The following SLC66A3 variants were observed in gnomAD, a reference collection of about 807,000 sequenced individuals.
The protein encoded by SLC66A3 is solute carrier family 66 member 3.
In SLC66A3, 23 loss-of-function variants were observed where a neutral mutation model predicts 25.5. The ratio of observed to expected loss-of-function variants is 0.90; its 90% confidence interval spans 0.65 to 1.28. SLC66A3 has a LOEUF of 1.28. SLC66A3 is among the 50% of genes most tolerant of loss of function. The pLI is 0.00. For missense variants in SLC66A3, 246 were observed against 262.1 expected (o/e 0.94, Z 0.42); for synonymous variants, 108 against 112.6 (o/e 0.96, Z 0.26).
At chr2:11,160,832 A>G (rs1453143329) in intron 3 of SLC66A3, 138 bp downstream of exon 3, 6 of 1,358,384 alleles carry the variant, frequency 4.4e-6, no homozygotes, top group Admixed American at 2.4e-5. Context: ...TCCCAAATGC[A>G]AACGTGTCCA....
chr2:11,162,611 T>C (rs1198957551), intron 3 of SLC66A3, among the ~76,000 whole-genome samples: 2 of 152,134 alleles, frequency 1.3e-5, no homozygotes, highest in Non-Finnish European at 2.9e-5. Context: ...TTTATTTTAT[T>C]TTATTTTATT....
intron 4 of SLC66A3, 26 bp from the exon 5 acceptor site, chr2:11,171,899 C>G (rs1055071328): frequency 6.2e-7 from 1 of 1,612,720 alleles, no homozygotes; most frequent in Non-Finnish European, 8.5e-7. Flanking sequence ...CGACTCGTGA[C>G]TTTCTCACAT....
intron 4 of SLC66A3, among the ~76,000 whole-genome samples, chr2:11,170,929 C>T (rs533864823): frequency 9.9e-5 from 15 of 152,040 alleles, no homozygotes; most frequent in African/African-American, 3.6e-4. Context: ...GATAGATGAA[C>T]CTCTGTGGCC....
intron 3 of SLC66A3, among the ~76,000 whole-genome samples, chr2:11,163,202 G>A (rs950004234): frequency 3.3e-5 from 5 of 152,174 alleles, no homozygotes; most frequent in African/African-American, 1.2e-4. Context: ...ACTTTTATTT[G>A]TGAAATCTGG....
intron 4 of SLC66A3, among the ~76,000 whole-genome samples, chr2:11,167,004 C>A (rs1025775161): frequency 2.0e-5 from 3 of 152,228 alleles, no homozygotes; most frequent in Admixed American, 6.5e-5. Flanking sequence ...TGCCAACTCT[C>A]ACAACCCTGT....
intron 3 of SLC66A3, 142 bp from the exon 4 acceptor site, chr2:11,164,062 G>A (rs1047871990): frequency 9.6e-5 from 52 of 543,682 alleles, no homozygotes; most frequent in African/African-American, 7.0e-4. Flanking sequence ...TTCCAAATCC[G>A]GCAGGTTCTG....
At chr2:11,176,257 C>G (rs201662334) in intron 6 of SLC66A3, among the ~76,000 whole-genome samples, 1 of 152,302 alleles carries the variant, frequency 6.6e-6, no homozygotes, top group East Asian at 1.9e-4. Flanking sequence ...ACTCTGTCGC[C>G]CAGGCTGGAG....
Position 11,167,301 on chromosome 2 carries a change from G to T in SLC66A3, c.354+3040G>T, listed in dbSNP as rs193131447. ...CTACTAAAAATACAAAAATTATCTGGGTGTGGTGGCGCATGCCTGTAATCC... is the reference window on the plus strand; with the variant it reads ...CTACTAAAAATACAAAAATTATCTGTGTGTGGTGGCGCATGCCTGTAATCC... On this transcript the variant is annotated intron_variant, in intron 4 of 6. Transcript: ENST00000295083. Among the ~76,000 whole-genome samples, 579 of 152,186 alleles carry T rather than the reference G, an allele frequency of 3.8e-3. 17 individuals are homozygous for T. The highest frequency in any genetic ancestry group is 5.1e-4 in the Non-Finnish European group (35 of 67,996).
intron 1 of SLC66A3, among the ~76,000 whole-genome samples, chr2:11,160,005 TC>T (rs1261813593): frequency 1.3e-5 from 2 of 152,180 alleles, no homozygotes; most frequent in African/African-American, 4.8e-5. Context: ...GACCCCCGCA[TC>T]CAGGGATGGT....
chr2:11,175,119 A>G (rs1662692486), intron 6 of SLC66A3, 110 bp downstream of exon 6: 8 of 748,600 alleles, frequency 1.1e-5, no homozygotes, highest in Admixed American at 2.6e-5. Context: ...GTTGGATTAT[A>G]GATTTAGAAG....
chr2:11,171,996 AG>A lies in SLC66A3; in HGVS notation c.428del (p.Gly143GlufsTer3), dbSNP rs1358786815. Reference sequence around the variant, plus strand: ...AGTGTCTGTGGAAGACGAGAGACTCAGGAACTGTGAGTGCGCTGACTTGGAG... The same window carrying A: ...AGTGTCTGTGGAAGACGAGAGACTCAGAACTGTGAGTGCGCTGACTTGGAG... ...LQCLWKTRDS[G>X]TVSALTWSLS... is the part of the protein sequence containing the mutation. On this transcript the variant is annotated frameshift_variant, in exon 5 of 7. Transcript: ENST00000295083. LOFTEE classifies it high-confidence loss of function. 2 of 1,613,976 alleles carry A rather than the reference AG, an allele frequency of 1.2e-6. No homozygotes were observed. The highest frequency in any genetic ancestry group is 1.7e-6 in the Non-Finnish European group (2 of 1,179,946).
At chr2:11,172,661 C>A in intron 5 of SLC66A3, 1 of 337,942 alleles carries the variant, frequency 3.0e-6, no homozygotes, top group South Asian at 2.3e-5. Flanking sequence ...CTAATGTCTC[C>A]ATCCATGGTT....
At chr2:11,175,569 C>CA (rs1662710501) in intron 6 of SLC66A3, among the ~76,000 whole-genome samples, 2 of 152,320 alleles carry the variant, frequency 1.3e-5, no homozygotes, top group Admixed American at 1.3e-4. Flanking sequence ...GCGAGACTGG[C>CA]AGTGGCCCAA....
chr2:11,176,713 A>T (rs371538690), intron 6 of SLC66A3, among the ~76,000 whole-genome samples: 5 of 147,302 alleles, frequency 3.4e-5, no homozygotes, highest in South Asian at 2.2e-4. Context: ...TATTTTTAGT[A>T]GAGACGGGGT....
chr2:11,157,175 A>G (rs543684031), intron 1 of SLC66A3, among the ~76,000 whole-genome samples: 34 of 152,286 alleles, frequency 2.2e-4, no homozygotes, highest in Non-Finnish European at 3.7e-4. Flanking sequence ...GAGGGCTCCT[A>G]TTAGATCTGC....
intron 1 of SLC66A3, among the ~76,000 whole-genome samples, chr2:11,159,388 C>A (rs1439054613): frequency 6.6e-6 from 1 of 152,166 alleles, no homozygotes; most frequent in Non-Finnish European, 1.5e-5. Flanking sequence ...CTGCACAGCA[C>A]CCGGAGGGCC....
Position 11,155,595 on chromosome 2 carries a change from T to G in SLC66A3, c.49T>G (p.Cys17Gly). The G allele has an allele frequency of 1.3e-6, 2 of 1,517,972 alleles. No individual in the cohort carries two copies. The highest frequency in any genetic ancestry group is 2.4e-5 in the South Asian group (2 of 82,130). 94.0% of individuals were successfully genotyped at this position (1,517,972 alleles called of 1,614,324 possible). A position where few individuals can be genotyped will look rare whatever the true frequency, so the allele number is the denominator to read the frequency against. Reference sequence around the variant, plus strand: ...GTGTAACTGGAGCACGCTGGGCGTGTGCGCCGCGCTGAAGCTGCCGCAGAT... The same window carrying G: ...GTGTAACTGGAGCACGCTGGGCGTGGGCGCCGCGCTGAAGCTGCCGCAGAT... ...GLCNWSTLGV[C>G]AALKLPQISA... Residue 17 changes from cysteine to glycine, a missense_variant, in exon 1 of 7, where the codon TGC (cysteine) becomes GGC (glycine). Coordinates refer to ENST00000295083, the MANE Select transcript of SLC66A3 (RefSeq NM_152391.5).
rs553468503 is a variant in SLC66A3, at chr2:11,155,519, C to G, written c.-28C>G. 1 of 1,478,358 alleles carries G rather than the reference C, an allele frequency of 6.8e-7. No individual in the cohort carries two copies. Among genetic ancestry groups the G allele is most frequent in the South Asian group, 1.3e-5 (1 of 78,288 alleles). 91.6% of individuals were successfully genotyped at this position (1,478,358 alleles called of 1,614,324 possible). A position where few individuals can be genotyped will look rare whatever the true frequency, so the allele number is the denominator to read the frequency against. On this transcript the variant is annotated 5_prime_UTR_variant, in exon 1 of 7. Coordinates refer to ENST00000295083, the MANE Select transcript of SLC66A3 (RefSeq NM_152391.5). ...GCTGAGCGGTCCCTTCTCGCTGCGG[C>G]CGCCCAGGTGCCCGCGCCCGTGGCG...
At position 11,155,709 on chromosome 2, in the gene SLC66A3, G is replaced by A. The variant is rs767560010; in HGVS notation, c.143+20G>A. On this transcript the variant is annotated intron_variant, in intron 1 of 6. Coordinates refer to ENST00000295083, the MANE Select transcript of SLC66A3 (RefSeq NM_152391.5). ...GGCAGGGTAAGGCCCGGGGCGGCCG[G>A]GGCTGCCTCCTGCCCCCTCGCAGCT... 24 of 1,375,950 alleles carry A rather than the reference G, an allele frequency of 1.7e-5. No homozygotes were observed. Among genetic ancestry groups the A allele is most frequent in the Non-Finnish European group, 2.2e-5 (24 of 1,066,762 alleles). The allele number at this position is 1,375,950 out of a possible 1,614,324, so 85.2% of individuals were successfully genotyped here.
Sources: allele counts gnomAD v4.1 joint callset (sites outside exome capture counted in the v4.1 genomes callset), GRCh38; gene constraint gnomAD v4.1.1; transcripts MANE v1.5; gene names NCBI Gene and HGNC (gene_info 2026-07-23, HGNC 2026-07-21).